Variants in USP34 observed in about 807,000 individuals in gnomAD.
USP34 encodes ubiquitin specific peptidase 34, also known as ubiquitin carboxyl-terminal hydrolase 34.
Under a neutral mutation model 460.3 loss-of-function variants are expected in USP34, and 70 were observed. That is an observed-to-expected ratio of 0.15 (90% CI 0.13 to 0.19). The LOEUF (loss-of-function observed/expected upper bound fraction) is 0.19, where lower values mean the gene tolerates loss of function less well. Ranked by LOEUF, USP34 falls within the 10% of genes least tolerant of loss-of-function variation. The probability of loss-of-function intolerance (pLI) is 1.00; values close to 1 mark genes in which losing one functional copy is unlikely to be tolerated. For synonymous variants in USP34, 1,647 were observed against 1,405.3 expected (o/e 1.17, Z -3.85); for missense variants, 3,985 against 4,236.2 (o/e 0.94, Z 1.65).
intron 57 of USP34, among the ~76,000 whole-genome samples, chr2:61,235,327 TC>T (rs145463757): frequency 0.011 from 896 of 83,102 alleles, 7 homozygotes; most frequent in Middle Eastern, 0.064. Context: ...AATTTTTTTT[TC>T]TTTTTTTTTT....
chr2:61,256,462 A>C lies in USP34; in HGVS notation c.6143T>G (p.Val2048Gly). 1 of 1,606,898 alleles carries C rather than the reference A, an allele frequency of 6.2e-7. No homozygotes were observed. The highest frequency in any genetic ancestry group is 8.5e-7 in the Non-Finnish European group (1 of 1,176,630). ...ACCTTCCAAAGTGTCTTTTATAGTA[A>C]CTTCATCAAGAGATTCCTGTGTATA... is the stretch of plus-strand genomic sequence containing the variant. ...MKNIYESLDEVTIKDTLEGDN... is the reference protein window; with the variant it reads ...MKNIYESLDEGTIKDTLEGDN... Residue 2048 changes from valine to glycine, a missense_variant, in exon 48 of 80, where the codon GTT becomes GGT. This residue lies in a region of USP34 where 145 missense variants were observed against 291.6 expected (regional missense o/e 0.50). Transcript: ENST00000398571.
chr2:61,225,546 C>A (rs1451289348), intron 62 of USP34, among the ~76,000 whole-genome samples: 1 of 151,906 alleles, frequency 6.6e-6, no homozygotes, highest in Admixed American at 6.6e-5. Context: ...CCTGTCCCCT[C>A]CACCCTGTTT....
chr2:61,239,733 G>A (rs1172659211), intron 53 of USP34, among the ~76,000 whole-genome samples: 4 of 152,150 alleles, frequency 2.6e-5, no homozygotes, highest in Admixed American at 2.0e-4. Flanking sequence ...CTAGTTAAAA[G>A]CATTTGAGAA....
At chr2:61,328,195 G>T (rs769832717) in intron 20 of USP34, among the ~76,000 whole-genome samples, 1 of 151,652 alleles carries the variant, frequency 6.6e-6, no homozygotes, top group African/African-American at 2.4e-5. Flanking sequence ...CCAGCTACTC[G>T]GGAGGCTGAG....
intron 29 of USP34, among the ~76,000 whole-genome samples, chr2:61,299,434 A>G (rs937735360): frequency 6.6e-6 from 1 of 152,212 alleles, no homozygotes; most frequent in Admixed American, 6.5e-5. Flanking sequence ...CCTTTAGGTG[A>G]TATCACACAT....
At chr2:61,448,652 A>G (rs1695185930) in intron 1 of USP34, among the ~76,000 whole-genome samples, 1 of 152,204 alleles carries the variant, frequency 6.6e-6, no homozygotes, top group African/African-American at 2.4e-5. Context: ...TCCATAGATG[A>G]CATACATAAA....
intron 1 of USP34, among the ~76,000 whole-genome samples, chr2:61,421,936 A>G (rs1024194331): frequency 2.0e-5 from 3 of 152,240 alleles, no homozygotes; most frequent in Admixed American, 6.5e-5. Flanking sequence ...AATACTGATT[A>G]ACCAAAAAGG....
intron 2 of USP34, among the ~76,000 whole-genome samples, chr2:61,410,756 A>G (rs752312626): frequency 6.6e-6 from 1 of 152,242 alleles, no homozygotes; most frequent in Non-Finnish European, 1.5e-5. Flanking sequence ...GACAGCTATC[A>G]ACATATTTTG....
chr2:61,461,493 T>C (rs765838368), intron 1 of USP34, among the ~76,000 whole-genome samples: 3 of 152,140 alleles, frequency 2.0e-5, no homozygotes, highest in Non-Finnish European at 4.4e-5. Flanking sequence ...TTAAATTTAC[T>C]AGTAATTGCT....
In USP34 at chr2:61,470,943, G is replaced by A. The variant is rs919258136; in HGVS notation, c.-251C>T. ...CAGGCCGGAGGGGCGCCGAGGCGCC[G>A]GCGGCGGGGAAGGGGGGGAAGGACG... is the stretch of plus-strand genomic sequence containing the variant. On this transcript the variant is annotated 5_prime_UTR_variant, in exon 1 of 80. Coordinates refer to ENST00000398571, the MANE Select transcript of USP34 (RefSeq NM_014709.4). Among the ~76,000 whole-genome samples, 11 of 135,920 alleles carry A rather than the reference G, an allele frequency of 8.1e-5. No individual in the cohort carries two copies. Among genetic ancestry groups the A allele is most frequent in the Non-Finnish European group, 1.1e-4 (7 of 61,592 alleles). 89.2% of individuals were successfully genotyped at this position (135,920 alleles called of 152,430 possible). A position where few individuals can be genotyped will look rare whatever the true frequency, so the allele number is the denominator to read the frequency against.
rs1040372138 is a variant in USP34, at chr2:61,233,007, G to A, written c.7033-475C>T. 6.0e-5 allele frequency among the ~76,000 whole-genome samples: 9 copies of A among 151,222 alleles called. No individual in the cohort carries two copies. The South Asian group carries it at 1.3e-3, about 21-fold the overall frequency. On this transcript the variant is annotated intron_variant, in intron 57 of 79. Transcript: ENST00000398571. ...CCCGAGTAGCTGGGATTACAGGCAC[G>A]CACCACAATCCCTGGCTGATTTTTG...
At chr2:61,330,917 T>C (rs530663704) in intron 20 of USP34, among the ~76,000 whole-genome samples, 4 of 152,196 alleles carry the variant, frequency 2.6e-5, no homozygotes, top group Non-Finnish European at 5.9e-5. Flanking sequence ...ATTTTTGAAG[T>C]AAATATTTAC....
chr2:61,433,785 C>A (rs1196317351), intron 1 of USP34, among the ~76,000 whole-genome samples: 1 of 152,166 alleles, frequency 6.6e-6, no homozygotes, highest in Non-Finnish European at 1.5e-5. Flanking sequence ...CCCAGTGAAA[C>A]AAGCTGTGGC....
chr2:61,419,109 C>A (rs1297065250), intron 2 of USP34, among the ~76,000 whole-genome samples: 1 of 152,080 alleles, frequency 6.6e-6, no homozygotes, highest in Non-Finnish European at 1.5e-5. Flanking sequence ...GTTTACAGAA[C>A]TTAACTCATT....
intron 41 of USP34, among the ~76,000 whole-genome samples, chr2:61,266,653 C>T (rs552687941): frequency 1.3e-5 from 2 of 152,204 alleles, no homozygotes; most frequent in South Asian, 4.1e-4. Context: ...TTATCTTTTC[C>T]ACTTATTCTT....
At chr2:61,445,921 C>T (rs1398607444) in intron 1 of USP34, among the ~76,000 whole-genome samples, 1 of 151,706 alleles carries the variant, frequency 6.6e-6, no homozygotes, top group African/African-American at 2.4e-5. Flanking sequence ...GCACTCCAGC[C>T]TGGGCAACAC....
rs766723118 is a variant in USP34, at chr2:61,349,248, A to C, written c.1543+2T>G. On this transcript the variant is annotated splice_donor_variant, in intron 13 of 79. Coordinates refer to ENST00000398571, the MANE Select transcript of USP34 (RefSeq NM_014709.4). LOFTEE classifies it high-confidence loss of function. ...GCCATGAATTTCTAAGGCTCAACTT[A>C]CAAGGTGATGGAGCTGTTCTTCTAA... The C allele has an allele frequency of 1.9e-6, 3 of 1,612,422 alleles. No individual in the cohort carries two copies. In the East Asian group the frequency reaches 6.7e-5, roughly 36 times the overall value.
Position 61,214,247 on chromosome 2 carries a change from T to C in USP34, c.8495A>G (p.Asn2832Ser), listed in dbSNP as rs1687343744. 1.9e-6 allele frequency: 3 copies of C among 1,614,224 alleles called. No homozygotes were observed. Among genetic ancestry groups the C allele is most frequent in the Non-Finnish European group, 2.5e-6 (3 of 1,180,038 alleles). ...ATCATCATGGTCAGCAAGGATGTAA[T>C]TGAAGGCAATGTTCTTGGTTACCAC... ...NPVVTKNIAF[N>S]YILADHDDQD... is the part of the protein sequence containing the mutation. Residue 2832 changes from asparagine to serine, a missense_variant, in exon 68 of 80, where the codon AAT (asparagine) becomes AGT (serine). This residue lies in a region of USP34 where 66 missense variants were observed against 121.2 expected (regional missense o/e 0.54). Coordinates refer to ENST00000398571, the MANE Select transcript of USP34 (RefSeq NM_014709.4).
chr2:61,335,382 G>A (rs933807773), intron 18 of USP34, among the ~76,000 whole-genome samples: 2 of 152,154 alleles, frequency 1.3e-5, no homozygotes, highest in African/African-American at 4.8e-5. Flanking sequence ...TTTCAAGACT[G>A]AAAATTTCAA....
Sources: allele counts gnomAD v4.1 joint callset (sites outside exome capture counted in the v4.1 genomes callset), GRCh38; gene constraint gnomAD v4.1.1; regional missense constraint gnomAD v4.1.1; transcripts MANE v1.5; gene names NCBI Gene and HGNC (gene_info 2026-07-23, HGNC 2026-07-21).